The following TBC1D22A variants were observed in gnomAD, a reference collection of about 807,000 sequenced individuals.
TBC1D22A encodes putative GTPase activator.
A neutral mutation model predicts 60.2 loss-of-function variants in TBC1D22A; 38 were observed. The observed-to-expected ratio is 0.63, with a 90% CI of 0.49 to 0.83. The LOEUF (loss-of-function observed/expected upper bound fraction) is 0.83. Among genes scored for constraint, TBC1D22A ranks in the 40% least tolerant of loss-of-function variants. The probability of loss-of-function intolerance (pLI) is 0.00; values close to 1 mark genes in which losing one functional copy is unlikely to be tolerated. For synonymous variants in TBC1D22A, 302 were observed against 281.7 expected, an observed-to-expected ratio of 1.07 and a Z score of -0.72; for missense variants, 628 against 701.0, an observed-to-expected ratio of 0.90 and a Z score of 1.18.
chr22:46,852,744 G>A (rs540274526), intron 4 of TBC1D22A, among the ~76,000 whole-genome samples: 3 of 152,100 alleles, frequency 2.0e-5, no homozygotes, highest in African/African-American at 7.2e-5. Context: ...TTGAGCCTCC[G>A]TCTGAGCTCC....
chr22:46,933,354 C>T (rs772125758), intron 8 of TBC1D22A, among the ~76,000 whole-genome samples: 12 of 152,216 alleles, frequency 7.9e-5, no homozygotes, highest in Admixed American at 3.3e-4. Context: ...TAAGCAGTGT[C>T]TTCCGATCCT....
At chr22:46,781,817 G>A (rs1040884593) in intron 1 of TBC1D22A, among the ~76,000 whole-genome samples, 3 of 152,170 alleles carry the variant, frequency 2.0e-5, no homozygotes, top group African/African-American at 7.2e-5. Context: ...GTTTGCTCAT[G>A]CCCTCTTCCA....
At chr22:46,942,154 C>T (rs1368696028) in intron 8 of TBC1D22A, among the ~76,000 whole-genome samples, 1 of 151,914 alleles carries the variant, frequency 6.6e-6, no homozygotes, top group Non-Finnish European at 1.5e-5. Context: ...CATATATATA[C>T]ACACAGTCCA....
At chr22:47,055,348 G>A (rs1050460706) in intron 11 of TBC1D22A, among the ~76,000 whole-genome samples, 6 of 152,236 alleles carry the variant, frequency 3.9e-5, no homozygotes, top group Non-Finnish European at 5.9e-5. Flanking sequence ...TTGCACCAGC[G>A]CGTCTCTGGC....
intron 8 of TBC1D22A, among the ~76,000 whole-genome samples, chr22:46,918,726 A>C (rs528723808): frequency 6.6e-6 from 1 of 152,236 alleles, no homozygotes; most frequent in Admixed American, 6.5e-5. Context: ...AAACTGTCAC[A>C]TCAGCTCCCT....
chr22:46,901,973 C>A (rs2069028563), intron 7 of TBC1D22A, among the ~76,000 whole-genome samples: 1 of 152,170 alleles, frequency 6.6e-6, no homozygotes, highest in African/African-American at 2.4e-5. Context: ...GCAACATTTT[C>A]AATTTCAATA....
chr22:46,909,193 T>TTG (rs200748602), intron 7 of TBC1D22A, among the ~76,000 whole-genome samples: 13 of 151,766 alleles, frequency 8.6e-5, no homozygotes, highest in Non-Finnish European at 1.3e-4. Flanking sequence ...AAGTGTGTGT[T>TTG]TGTGTGTGTG....
At chr22:46,997,490 C>T (rs1238486339) in intron 9 of TBC1D22A, 144 bp from the exon 10 acceptor site, 2 of 655,694 alleles carry the variant, frequency 3.1e-6, no homozygotes, top group Non-Finnish European at 5.4e-6. Flanking sequence ...GGTGCATCCA[C>T]TTGTGTGTTT....
chr22:46,788,604 G>A (rs1245219692), intron 1 of TBC1D22A, among the ~76,000 whole-genome samples: 3 of 152,152 alleles, frequency 2.0e-5, no homozygotes, highest in Non-Finnish European at 2.9e-5. Context: ...GCCACAGGGC[G>A]TCTGTGTCCT....
In TBC1D22A at chr22:47,096,619, T is replaced by G. The variant is rs181189498; in HGVS notation, c.1330-14889T>G. Among the ~76,000 whole-genome samples, 163 of 152,164 alleles carry G rather than the reference T, an allele frequency of 1.1e-3. 1 individual carries two copies. Among genetic ancestry groups the G allele is most frequent in the African/African-American group, 3.8e-3 (157 of 41,532 alleles). On this transcript the variant is annotated intron_variant, in intron 11 of 12. Transcript: ENST00000337137. The stretch of plus-strand genomic sequence containing the variant: ...GGCAGATCACTTGAGGCCAGGAGTT[T>G]GAGACCAGCCTGGCCAACATGGCAA...
At chr22:47,105,247 A>C (rs2065590649) in intron 11 of TBC1D22A, among the ~76,000 whole-genome samples, 1 of 152,198 alleles carries the variant, frequency 6.6e-6, no homozygotes, top group South Asian at 2.1e-4. Context: ...TAAAAAAAAA[A>C]TAATAGGGCA....
intron 11 of TBC1D22A, among the ~76,000 whole-genome samples, chr22:47,055,012 C>T (rs1037476014): frequency 2.6e-5 from 4 of 152,148 alleles, no homozygotes; most frequent in Non-Finnish European, 4.4e-5. Flanking sequence ...TGGCAGTGGG[C>T]GGGGACCTGG....
chr22:47,091,548 G>C (rs1253418902), intron 11 of TBC1D22A, among the ~76,000 whole-genome samples: 1 of 146,856 alleles, frequency 6.8e-6, no homozygotes, highest in Non-Finnish European at 1.5e-5. Context: ...CTTTGGGGGG[G>C]TGTGGCCTTG....
intron 12 of TBC1D22A, among the ~76,000 whole-genome samples, chr22:47,162,134 AT>A (rs2068005867): frequency 6.6e-6 from 1 of 150,452 alleles, no homozygotes; most frequent in Non-Finnish European, 1.5e-5. Flanking sequence ...CCATTTTTTC[AT>A]TTATCTTTTG....
intron 1 of TBC1D22A, among the ~76,000 whole-genome samples, chr22:46,792,065 C>A (rs801600): frequency 0.16 from 24,400 of 152,238 alleles, 2,755 homozygotes; most frequent in African/African-American, 0.32. Flanking sequence ...CAAGCCTGTT[C>A]AATCTTTTAA....
At chr22:46,819,734 G>A (rs2085749977) in intron 4 of TBC1D22A, among the ~76,000 whole-genome samples, 1 of 152,166 alleles carries the variant, frequency 6.6e-6, no homozygotes, top group Non-Finnish European at 1.5e-5. Flanking sequence ...TTTGGACTGA[G>A]GATGATGCTG....
intron 8 of TBC1D22A, among the ~76,000 whole-genome samples, chr22:46,956,418 C>T (rs572193185): frequency 4.7e-4 from 71 of 152,280 alleles, no homozygotes; most frequent in African/African-American, 1.7e-3. Context: ...ACCCTGTCTC[C>T]ACTAATGGAT....
intron 7 of TBC1D22A, among the ~76,000 whole-genome samples, chr22:46,902,367 T>C (rs1602389156): frequency 6.6e-6 from 1 of 152,258 alleles, no homozygotes; most frequent in Non-Finnish European, 1.5e-5. Flanking sequence ...TTAAAGTTTG[T>C]ACTACTTTTA....
intron 5 of TBC1D22A, among the ~76,000 whole-genome samples, chr22:46,889,174 G>T (rs2068268005): frequency 6.6e-6 from 1 of 152,174 alleles, no homozygotes; most frequent in Admixed American, 6.5e-5. Flanking sequence ...TCTAGAGTGT[G>T]TACAGAGCTC....
Sources: gnomAD v4.1 joint callset for allele counts (sites outside exome capture counted in the v4.1 genomes callset) on GRCh38, gnomAD v4.1.1 for gene constraint, MANE v1.5 for transcripts, NCBI Gene and HGNC (gene_info 2026-07-23, HGNC 2026-07-21) for gene names.